The following EPM2A variants were observed in gnomAD, a reference collection of about 807,000 sequenced individuals.
EPM2A encodes EPM2A glucan phosphatase, laforin.
Under a neutral mutation model 26.5 loss-of-function variants are expected in EPM2A, and 21 were observed. That is an observed-to-expected ratio of 0.79 (90% CI 0.56 to 1.14). The LOEUF (loss-of-function observed/expected upper bound fraction) is 1.14, where lower values mean the gene tolerates loss of function less well. Ranked by LOEUF, EPM2A falls within the 50% of genes most tolerant of loss-of-function variation. EPM2A has a pLI of 0.00. For missense variants in EPM2A, 458 were observed against 440.8 expected, an observed-to-expected ratio of 1.04 and a Z score of -0.35; for synonymous variants, 217 against 177.6, an observed-to-expected ratio of 1.22 and a Z score of -1.76.
chr6:145,622,887 G>A (rs190038323), downstream of EPM2A, among the ~76,000 whole-genome samples: 8 of 152,286 alleles, frequency 5.3e-5, no homozygotes, highest in African/African-American at 1.4e-4. Flanking sequence ...GATTATAATG[G>A]GTGGTTCATT....
intron 1 of EPM2A, among the ~76,000 whole-genome samples, chr6:145,710,914 T>G (rs889638444): frequency 1.5e-5 from 2 of 134,990 alleles, no homozygotes; most frequent in African/African-American, 5.7e-5. Context: ...AGGTGGGAAT[T>G]GAACAATGAG....
At chr6:145,415,728 T>C (rs1778699382) in intron 4 of EPM2A, among the ~76,000 whole-genome samples, 1 of 152,228 alleles carries the variant, frequency 6.6e-6, no homozygotes, top group Non-Finnish European at 1.5e-5. Flanking sequence ...AAAATGTGCC[T>C]GTGATGATTA....
At chr6:145,455,782 TA>T (rs1779255780) in intron 4 of EPM2A, among the ~76,000 whole-genome samples, 1 of 152,256 alleles carries the variant, frequency 6.6e-6, no homozygotes, top group African/African-American at 2.4e-5. Context: ...TCTGAAGGTT[TA>T]CTGGTAAATT....
intron 2 of EPM2A, among the ~76,000 whole-genome samples, chr6:145,505,530 AC>A: frequency 8.4e-6 from 1 of 119,486 alleles, no homozygotes; most frequent in South Asian, 3.3e-4. Flanking sequence ...TAAGATGTTA[AC>A]AATATTATTC....
intron 4 of EPM2A, among the ~76,000 whole-genome samples, chr6:145,418,243 G>A (rs990072625): frequency 2.6e-5 from 4 of 152,290 alleles, no homozygotes; most frequent in Non-Finnish European, 5.9e-5. Context: ...CTGAGAGATC[G>A]GAGACAAATG....
chr6:145,510,333 T>G (rs9497330), intron 2 of EPM2A, among the ~76,000 whole-genome samples: 19 of 152,170 alleles, frequency 1.2e-4, no homozygotes, highest in African/African-American at 4.1e-4. Flanking sequence ...ATTGACCACA[T>G]GCTTAACCAT....
At chr6:145,494,091 C>A (rs1266586519) in intron 4 of EPM2A, among the ~76,000 whole-genome samples, 1 of 152,156 alleles carries the variant, frequency 6.6e-6, no homozygotes, top group Non-Finnish European at 1.5e-5. Flanking sequence ...TGGTAGAATT[C>A]AGCTGACAAT....
At chr6:145,699,429 T>A (rs1367188937) in intron 1 of EPM2A, among the ~76,000 whole-genome samples, 3 of 152,014 alleles carry the variant, frequency 2.0e-5, no homozygotes, top group African/African-American at 7.2e-5. Context: ...TTATGATAGG[T>A]TTGTGGTGTG....
intron 2 of EPM2A, among the ~76,000 whole-genome samples, chr6:145,666,337 A>G (rs1266620463): frequency 9.5e-6 from 1 of 105,282 alleles, no homozygotes; most frequent in South Asian, 3.4e-4. Context: ...AAATCAATGT[A>G]CAAAAATCAC....
chr6:145,616,639 G>T (rs1243750369), intron 2 of EPM2A, among the ~76,000 whole-genome samples: 3 of 152,228 alleles, frequency 2.0e-5, no homozygotes, highest in African/African-American at 4.8e-5. Flanking sequence ...CCAGCAGGGG[G>T]GCTATACCCT....
chr6:145,472,660 T>C (rs1205115184), intron 4 of EPM2A, among the ~76,000 whole-genome samples: 1 of 152,078 alleles, frequency 6.6e-6, no homozygotes, highest in Non-Finnish European at 1.5e-5. Flanking sequence ...GTGACGGCTA[T>C]GGGGTGAGGC....
At chr6:145,546,384 T>C (rs954679117) in intron 2 of EPM2A, among the ~76,000 whole-genome samples, 2 of 152,134 alleles carry the variant, frequency 1.3e-5, no homozygotes, top group East Asian at 1.9e-4. Context: ...TCTATCTGGG[T>C]GCTCAGTTTA....
intron 2 of EPM2A, among the ~76,000 whole-genome samples, chr6:145,505,099 G>T (rs1473296515): frequency 2.6e-5 from 3 of 116,670 alleles, no homozygotes; most frequent in African/African-American, 9.8e-5. Context: ...CTGTGGTGGG[G>T]TGGGGGGAGG....
intron 1 of EPM2A, among the ~76,000 whole-genome samples, chr6:145,716,800 T>A (rs1223802059): frequency 6.6e-6 from 1 of 152,208 alleles, no homozygotes; most frequent in Non-Finnish European, 1.5e-5. Context: ...AAAATCAGCC[T>A]TTCTCCTGTC....
chr6:145,669,985 T>A (rs1779527678), intron 2 of EPM2A, among the ~76,000 whole-genome samples: 2 of 152,194 alleles, frequency 1.3e-5, no homozygotes, highest in Admixed American at 6.6e-5. Flanking sequence ...TCACTGCTGA[T>A]TCAACCTACT....
chr6:145,710,004 C>G (rs1321736967), intron 1 of EPM2A, among the ~76,000 whole-genome samples: 4 of 152,026 alleles, frequency 2.6e-5, no homozygotes, highest in African/African-American at 9.7e-5. Context: ...GACCTAAAAC[C>G]ATAAAAACCC....
At chr6:145,712,902 A>G (rs1254754659) in intron 1 of EPM2A, among the ~76,000 whole-genome samples, 1 of 152,104 alleles carries the variant, frequency 6.6e-6, no homozygotes, top group South Asian at 2.1e-4. Context: ...AAGGGCACCA[A>G]TTTTTCTTCA....
chr6:145,500,184 TA>T, downstream of EPM2A, among the ~76,000 whole-genome samples: 1 of 152,362 alleles, frequency 6.6e-6, no homozygotes, highest in African/African-American at 2.4e-5. Flanking sequence ...AACAATCATT[TA>T]TATGGATGTT....
Position 145,677,000 on chromosome 6 carries a change from A to G in EPM2A, c.476+9122T>C, listed in dbSNP as rs1780097700. 2.0e-5 allele frequency among the ~76,000 whole-genome samples: 3 copies of G among 152,216 alleles called. No individual in the cohort carries two copies. In the South Asian group the frequency reaches 6.2e-4, roughly 31 times the overall value. The stretch of plus-strand genomic sequence containing the variant: ...ACAAACAAAAGAGCATTTTAGACCA[A>G]TATCCCTGATGAACATCGATGCAAA... On this transcript the variant is annotated intron_variant, in intron 2 of 3. Transcript: ENST00000367519.
Sources: allele counts gnomAD v4.1 joint callset (sites outside exome capture counted in the v4.1 genomes callset), GRCh38; gene constraint gnomAD v4.1.1; transcripts MANE v1.5; gene names NCBI Gene and HGNC (gene_info 2026-07-23, HGNC 2026-07-21).